The following PTCD1 variants were observed in gnomAD, a reference collection of about 807,000 sequenced individuals.
PTCD1 encodes pentatricopeptide repeat-containing protein 1, mitochondrial.
Under a neutral mutation model 53.4 loss-of-function variants are expected in PTCD1, and 50 were observed. The observed-to-expected ratio is 0.94, with a 90% confidence interval of 0.75 to 1.19. The LOEUF (loss-of-function observed/expected upper bound fraction) is 1.19. Ranked by LOEUF, PTCD1 falls within the 50% of genes most tolerant of loss-of-function variation. The pLI is 0.00. For synonymous variants in PTCD1, 413 were observed against 394.8 expected, an observed-to-expected ratio of 1.05 and a Z score of -0.55; for missense variants, 918 against 904.8, an observed-to-expected ratio of 1.01 and a Z score of -0.19.
chr7:99,423,901 G>A lies in PTCD1; in HGVS notation c.1794C>T (p.Ile598=), dbSNP rs1584454374. ...HIYSALINAA[I]RKLNYTYLIS... is the part of the protein sequence containing the mutation. Reference sequence around the variant, plus strand: ...TGAGATAGGTGTAGTTCAGCTTCCTGATGGCCGCGTTGATGAGGGCACTGT... The same window carrying A: ...TGAGATAGGTGTAGTTCAGCTTCCTAATGGCCGCGTTGATGAGGGCACTGT... Residue 598 remains isoleucine (I), a synonymous_variant, in exon 7 of 8, where the codon ATC becomes ATT. Coordinates refer to ENST00000292478, the MANE Select transcript of PTCD1 (RefSeq NM_015545.4). 6.2e-7 allele frequency: 1 copy of A among 1,614,174 alleles called. No homozygotes were observed.
intron 4 of PTCD1, 91 bp downstream of exon 4, chr7:99,429,497 C>T (rs1796178639): frequency 6.3e-7 from 1 of 1,584,084 alleles, no homozygotes; most frequent in Non-Finnish European, 8.6e-7. Context: ...CCTAAGCCTT[C>T]CTACATGAGG....
At position 99,419,976 on chromosome 7, in the gene PTCD1, C is replaced by T. The variant is rs1464919273; in HGVS notation, c.2094G>A (p.Gly698=). The change falls in exon 8 of 8, where the codon GGG becomes GGA. Residue 698 remains glycine (G), a synonymous_variant. Coordinates refer to ENST00000292478, the MANE Select transcript of PTCD1 (RefSeq NM_015545.4). ...GKEADDGCAL[G]GR ...TCCAGCTGTGCTCCCATCACCTGCC[C>T]CCAAGGGCACATCCGTCATCAGCCT... 1 of 1,614,204 alleles carries T rather than the reference C, an allele frequency of 6.2e-7. No homozygotes were observed. The highest frequency in any genetic ancestry group is 2.2e-5 in the East Asian group (1 of 44,892).
Position 99,419,519 on chromosome 7 carries a change from G to T in PTCD1, c.*448C>A. On this transcript the variant is annotated 3_prime_UTR_variant, in exon 8 of 8. Transcript: ENST00000292478. ...GCCACCCCCTTCCTGGGAGCAGCGAGCAGTGCCCCAGGCCCGAGTTGGAGC... is the reference window on the plus strand; with the variant it reads ...GCCACCCCCTTCCTGGGAGCAGCGATCAGTGCCCCAGGCCCGAGTTGGAGC... The T allele has an allele frequency of 6.4e-7, 1 of 1,550,490 alleles. No individual in the cohort carries two copies.
chr7:99,426,310 C>T (rs1440263119), intron 5 of PTCD1, among the ~76,000 whole-genome samples: 1 of 152,226 alleles, frequency 6.6e-6, no homozygotes, highest in Non-Finnish European at 1.5e-5. Flanking sequence ...CTGCCTCAGC[C>T]TGCCGAGTAC....
Position 99,417,609 on chromosome 7 carries a change from C to T in PTCD1, c.*2358G>A. The T allele has an allele frequency of 6.2e-7, 1 of 1,609,620 alleles. No homozygotes were observed. Among genetic ancestry groups the T allele is most frequent in the Non-Finnish European group, 8.5e-7 (1 of 1,179,968 alleles). ...AAGCTGGAAGTGGTAATGTCTGACACTCAAGCTTGGTGTTGTTTTCAGCTC... is the reference window on the plus strand; with the variant it reads ...AAGCTGGAAGTGGTAATGTCTGACATTCAAGCTTGGTGTTGTTTTCAGCTC... On this transcript the variant is annotated 3_prime_UTR_variant, in exon 8 of 8. Transcript: ENST00000292478.
intron 2 of PTCD1, among the ~76,000 whole-genome samples, chr7:99,434,320 C>A (rs1290249983): frequency 2.0e-5 from 3 of 151,854 alleles, no homozygotes; most frequent in African/African-American, 7.3e-5. Flanking sequence ...GTGGCACATG[C>A]CTGTAATCCC....
intron 5 of PTCD1, among the ~76,000 whole-genome samples, chr7:99,428,870 A>G (rs10271049): frequency 0.38 from 55,047 of 146,190 alleles, 16,324 homozygotes; most frequent in African/African-American, 0.82. Flanking sequence ...TAGAGGGGCT[A>G]AGCCGACTGC....
chr7:99,419,567 C>A lies in PTCD1; in HGVS notation c.*400G>T. The A allele has an allele frequency of 9.5e-7, 1 of 1,052,272 alleles. No individual in the cohort carries two copies. The highest frequency in any genetic ancestry group is 1.4e-6 in the Non-Finnish European group (1 of 700,218). The allele number at this position is 1,052,272 out of a possible 1,614,324, so 65.2% of individuals were successfully genotyped here. On this transcript the variant is annotated 3_prime_UTR_variant, in exon 8 of 8. Coordinates refer to ENST00000292478, the MANE Select transcript of PTCD1 (RefSeq NM_015545.4). Reference sequence around the variant, plus strand: ...AGCACGGTCTCTATGGGGAAGGCTTCGCTGTCTATCAGCTGTGATTTGTAA... The same window carrying A: ...AGCACGGTCTCTATGGGGAAGGCTTAGCTGTCTATCAGCTGTGATTTGTAA...
intron 1 of PTCD1, among the ~76,000 whole-genome samples, chr7:99,437,660 T>C (rs1261729044): frequency 6.6e-6 from 1 of 152,162 alleles, no homozygotes; most frequent in Admixed American, 6.5e-5. Flanking sequence ...AGATACCACC[T>C]TGTAGTTGCT....
intron 5 of PTCD1, among the ~76,000 whole-genome samples, chr7:99,427,991 T>A (rs1394937001): frequency 6.7e-6 from 1 of 150,236 alleles, no homozygotes. Flanking sequence ...GTCGTCTGCC[T>A]AGGAAAACCA....
rs968991151 is a variant in PTCD1 at position 99,417,978 on chromosome 7, G to GC, written c.*1988dup. On this transcript the variant is annotated 3_prime_UTR_variant, in exon 8 of 8. Transcript: ENST00000292478. ...TAACATTACCATCACTATCTTTCCC[G>GC]CCCCCCCAAGACGGAGTCTTGCTTT... is the stretch of plus-strand genomic sequence containing the variant. 1.3e-4 allele frequency: 153 copies of GC among 1,178,418 alleles called. 1 individual carries two copies. The highest frequency in any genetic ancestry group is 1.4e-4 in the Non-Finnish European group (132 of 940,546). The allele number at this position is 1,178,418 out of a possible 1,614,324, so 73.0% of individuals were successfully genotyped here. A position where few individuals can be genotyped will look rare whatever the true frequency, so the allele number is the denominator to read the frequency against.
intron 7 of PTCD1, among the ~76,000 whole-genome samples, chr7:99,423,311 AG>A (rs1795897851): frequency 6.6e-6 from 1 of 152,164 alleles, no homozygotes; most frequent in Admixed American, 6.6e-5. Flanking sequence ...GATACAGGGA[AG>A]GCCAGGGCTG....
Position 99,417,361 on chromosome 7 carries a change from T to G in PTCD1, c.*2606A>C. ...AGCCACTGCACCCGGCCTGAATGCT[T>G]TTTTTGATCAAGGGTGGGGAAGGTT... On this transcript the variant is annotated 3_prime_UTR_variant, in exon 8 of 8. Coordinates refer to ENST00000292478, the MANE Select transcript of PTCD1 (RefSeq NM_015545.4). 6.4e-7 allele frequency: 1 copy of G among 1,555,918 alleles called. No homozygotes were observed. Among genetic ancestry groups the G allele is most frequent in the Non-Finnish European group, 8.8e-7 (1 of 1,130,082 alleles).
At chr7:99,420,782 C>T (rs1490859376) in intron 7 of PTCD1, among the ~76,000 whole-genome samples, 1 of 152,086 alleles carries the variant, frequency 6.6e-6, no homozygotes, top group Non-Finnish European at 1.5e-5. Context: ...CATGGTGAAA[C>T]TCCATCTCTA....
In PTCD1 at chr7:99,425,505, G is replaced by C. The variant is rs763651038; in HGVS notation, c.1027C>G (p.Leu343Val). Residue 343 changes from leucine to valine, a missense_variant, in exon 6 of 8, where the codon CTG becomes GTG. Transcript: ENST00000292478. Reference sequence around the variant, plus strand: ...GCCTCCTCCCTGGGCTTCAGAAGCAGCTCTGAGGCCACCTGGGGGTCCCCT... The same window carrying C: ...GCCTCCTCCCTGGGCTTCAGAAGCACCTCTGAGGCCACCTGGGGGTCCCCT... ...GLGDPQVASE[L>V]LLKPREEATV... 5.0e-6 allele frequency: 8 copies of C among 1,612,422 alleles called. No homozygotes were observed. The African/African-American group carries it at 8.0e-5, about 16-fold the overall frequency.
chr7:99,429,711 G>T lies in PTCD1; in HGVS notation c.690C>A (p.Ser230Arg). 6.2e-7 allele frequency: 1 copy of T among 1,614,240 alleles called. No individual in the cohort carries two copies. Among genetic ancestry groups the T allele is most frequent in the Non-Finnish European group, 8.5e-7 (1 of 1,180,048 alleles). Residue 230 changes from serine to arginine, a missense_variant, in exon 4 of 8, where the codon AGC becomes AGA. Transcript: ENST00000292478. Reference protein sequence around the residue: ...ESPWKDSALQSALKLRQQLQA... With the variant: ...ESPWKDSALQRALKLRQQLQA... ...GCAGCTGCTGCCGGAGCTTCAGGGCGCTCTGTAGAGCTGAGTCCTTCCAGG... is the reference window on the plus strand; with the variant it reads ...GCAGCTGCTGCCGGAGCTTCAGGGCTCTCTGTAGAGCTGAGTCCTTCCAGG...
At position 99,420,150 on chromosome 7, in the gene PTCD1, C is replaced by T; in HGVS notation, c.1921-1G>A. 1.9e-6 allele frequency: 3 copies of T among 1,614,182 alleles called. No individual in the cohort carries two copies. The highest frequency in any genetic ancestry group is 2.2e-5 in the East Asian group (1 of 44,886). ...CCAGGTAGGTGTTCTTCCCTTGGTA[C>T]TAGAATTAGAAAAGTGAGGCTAGAA... On this transcript the variant is annotated splice_acceptor_variant, in intron 7 of 7. Transcript: ENST00000292478. LOFTEE classifies it high-confidence loss of function.
At chr7:99,427,980 G>C (rs956279897) in intron 5 of PTCD1, among the ~76,000 whole-genome samples, 3 of 150,234 alleles carry the variant, frequency 2.0e-5, no homozygotes, top group Non-Finnish European at 4.4e-5. Context: ...AAGGCCGCAG[G>C]GTCGTCTGCC....
Position 99,429,779 on chromosome 7 carries a change from C to T in PTCD1, c.622G>A (p.Asp208Asn). 1 of 1,614,134 alleles carries T rather than the reference C, an allele frequency of 6.2e-7. No individual in the cohort carries two copies. Among genetic ancestry groups the T allele is most frequent in the Non-Finnish European group, 8.5e-7 (1 of 1,180,030 alleles). The change falls in exon 4 of 8, where the codon GAC becomes AAC. Residue 208 changes from aspartate (D) to asparagine (N), a missense_variant. Asp to Asn is a conservative substitution (Grantham distance 23, BLOSUM62 1). Coordinates refer to ENST00000292478, the MANE Select transcript of PTCD1 (RefSeq NM_015545.4). Reference protein sequence around the residue: ...QMKKRDLEPSDATYTALFNVC... With the variant: ...QMKKRDLEPSNATYTALFNVC... ...TTGAACAGGGCCGTGTAGGTGGCGT[C>T]CGAGGGCTCCAGGTCCCGCTTTTTC...
Sources: gnomAD v4.1 joint callset for allele counts (sites outside exome capture counted in the v4.1 genomes callset) on GRCh38, gnomAD v4.1.1 for gene constraint, MANE v1.5 for transcripts, NCBI Gene and HGNC (gene_info 2026-07-23, HGNC 2026-07-21) for gene names.